The following ARHGEF16 variants were observed in gnomAD, a reference collection of about 807,000 sequenced individuals.
The protein encoded by ARHGEF16 is Rho guanine nucleotide exchange factor 16, also known as Rho guanine exchange factor (GEF) 16.
In ARHGEF16, 59 loss-of-function variants were observed where a neutral mutation model predicts 74.1. The ratio of observed to expected loss-of-function variants is 0.80; its 90% CI spans 0.65 to 0.99. ARHGEF16 has a LOEUF of 0.99. ARHGEF16 is among the 50% of genes least tolerant of loss of function. The probability of loss-of-function intolerance (pLI) is 0.00; values close to 1 mark genes in which losing one functional copy is unlikely to be tolerated. For synonymous variants in ARHGEF16, 415 were observed against 412.6 expected (o/e 1.01, Z -0.07); for missense variants, 948 against 986.6 (o/e 0.96, Z 0.52).
intron 8 of ARHGEF16, chr1:3,473,849 C>A: frequency 4.8e-6 from 2 of 414,610 alleles, no homozygotes; most frequent in Non-Finnish European, 8.9e-6. Context: ...AGCCCCCACC[C>A]CACCAGTCCT....
At chr1:3,461,600 G>T (rs1043008463) in intron 1 of ARHGEF16, among the ~76,000 whole-genome samples, 3 of 152,224 alleles carry the variant, frequency 2.0e-5, no homozygotes, top group African/African-American at 4.8e-5. Flanking sequence ...TGCCCAGGGG[G>T]GTTGCAAGCA....
chr1:3,458,857 G>C (rs1639325580), intron 1 of ARHGEF16, among the ~76,000 whole-genome samples: 1 of 152,186 alleles, frequency 6.6e-6, no homozygotes, highest in Non-Finnish European at 1.5e-5. Flanking sequence ...GCAAGAGCAG[G>C]ATGCCAGGAA....
At chr1:3,465,730 C>CTGGGGCCCCCAGACCCATGCT (rs1553183970) in intron 2 of ARHGEF16, among the ~76,000 whole-genome samples, 1 of 152,198 alleles carries the variant, frequency 6.6e-6, no homozygotes, top group East Asian at 1.9e-4. Flanking sequence ...CGGCCTCCTG[C>CTGGGGCCCCCAGACCCATGCT]TGGGGCCCCC....
Position 3,463,357 on chromosome 1 carries a change from G to A in ARHGEF16, c.273G>A (p.Lys91=), listed in dbSNP as rs753226301. The A allele has an allele frequency of 1.9e-6, 3 of 1,550,182 alleles. No individual in the cohort carries two copies. Among genetic ancestry groups the A allele is most frequent in the Non-Finnish European group, 2.6e-6 (3 of 1,146,892 alleles). The change falls in exon 2 of 15, where the codon AAG becomes AAA. Residue 91 remains lysine (K), a synonymous_variant. Coordinates refer to ENST00000378378, the MANE Select transcript of ARHGEF16 (RefSeq NM_014448.4). ...LKLGTQQLIP[K]SLAVASKAKT... ...TGGGCACCCAACAGCTGATCCCTAAGAGCCTGGCTGTGGCCAGCAAGGCAA... is the reference window on the plus strand; with the variant it reads ...TGGGCACCCAACAGCTGATCCCTAAAAGCCTGGCTGTGGCCAGCAAGGCAA...
At chr1:3,459,308 AAG>A (rs1456742750) in intron 1 of ARHGEF16, among the ~76,000 whole-genome samples, 1 of 152,218 alleles carries the variant, frequency 6.6e-6, no homozygotes, top group Non-Finnish European at 1.5e-5. Context: ...TGATCCGAGA[AAG>A]AGATCGGGAC....
intron 9 of ARHGEF16, among the ~76,000 whole-genome samples, chr1:3,475,055 G>C: frequency 7.7e-6 from 1 of 130,118 alleles, no homozygotes; most frequent in African/African-American, 3.0e-5. Context: ...CTTTCACAGC[G>C]CTGACAGGGA....
intron 8 of ARHGEF16, chr1:3,473,958 G>A (rs1639810564): frequency 3.7e-6 from 1 of 267,832 alleles, no homozygotes; most frequent in Non-Finnish European, 7.2e-6. Flanking sequence ...GTGTGTGTGG[G>A]ATGCCAGCCC....
rs561373456 is a variant in ARHGEF16 at position 3,466,208 on chromosome 1, G to A, written c.634+15G>A. On this transcript the variant is annotated intron_variant, in intron 3 of 14. Transcript: ENST00000378378. ...CTTCAAGGACGGTGAGTGTGGCTTC[G>A]GGAGGCACCGCGGGCTGGGCTCCAG... is the stretch of plus-strand genomic sequence containing the variant. 2.5e-5 allele frequency: 38 copies of A among 1,536,654 alleles called. No homozygotes were observed. The highest frequency in any genetic ancestry group is 1.6e-4 in the South Asian group (13 of 82,004).
rs1639541643 is a variant in ARHGEF16 at position 3,466,289 on chromosome 1, C to T, written c.634+96C>T. 3.7e-6 allele frequency: 5 copies of T among 1,334,600 alleles called. No homozygotes were observed. In the South Asian group the frequency reaches 7.0e-5, roughly 19 times the overall value. 82.7% of individuals were successfully genotyped at this position (1,334,600 alleles called of 1,614,324 possible). A position where few individuals can be genotyped will look rare whatever the true frequency, so the allele number is the denominator to read the frequency against. On this transcript the variant is annotated intron_variant, in intron 3 of 14. Transcript: ENST00000378378. Reference sequence around the variant, plus strand: ...GTTCGGGTGGGCCTCAGTTTGGTGTCTCGGGGTCACCAAAGCTGCTTGACA... The same window carrying T: ...GTTCGGGTGGGCCTCAGTTTGGTGTTTCGGGGTCACCAAAGCTGCTTGACA...
intron 10 of ARHGEF16, among the ~76,000 whole-genome samples, chr1:3,477,278 AC>A (rs1262571672): frequency 5.2e-4 from 1 of 1,916 alleles, no homozygotes; most frequent in East Asian, 0.019. Context: ...CTGTACTGCC[AC>A]CCCCTACTGC....
At chr1:3,455,693 T>TG (rs1218628465) in intron 1 of ARHGEF16, among the ~76,000 whole-genome samples, 1 of 152,064 alleles carries the variant, frequency 6.6e-6, no homozygotes, top group Non-Finnish European at 1.5e-5. Context: ...TGGGCCTGGC[T>TG]GGGGGTCCAG....
intron 1 of ARHGEF16, among the ~76,000 whole-genome samples, chr1:3,455,307 C>G (rs988808409): frequency 6.6e-6 from 1 of 152,008 alleles, no homozygotes; most frequent in Non-Finnish European, 1.5e-5. Flanking sequence ...TTCAGAAAAG[C>G]CCCGAGAAGG....
At chr1:3,455,387 G>A (rs1639245105) in intron 1 of ARHGEF16, among the ~76,000 whole-genome samples, 1 of 152,104 alleles carries the variant, frequency 6.6e-6, no homozygotes, top group African/African-American at 2.4e-5. Context: ...GTGGGCGGTG[G>A]CAGGGAGGGA....
chr1:3,463,439 C>CG lies in ARHGEF16; in HGVS notation c.357dup (p.Arg120AlafsTer4), dbSNP rs1639458254. ...GGCTGTACTTAGCAGGGAGGCCGCC[C>CG]GGCGGGACCCTAAGCTCCTCCCAGC... On this transcript the variant is annotated frameshift_variant, in exon 2 of 15. Coordinates refer to ENST00000378378, the MANE Select transcript of ARHGEF16 (RefSeq NM_014448.4). LOFTEE classifies it high-confidence loss of function. The CG allele has an allele frequency of 6.5e-7, 1 of 1,545,970 alleles. No individual in the cohort carries two copies. Among genetic ancestry groups the CG allele is most frequent in the African/African-American group, 1.4e-5 (1 of 72,906 alleles).
At chr1:3,478,102 C>G (rs544117442) in intron 11 of ARHGEF16, 76 bp downstream of exon 11, 78 of 1,595,918 alleles carry the variant, frequency 4.9e-5, no homozygotes, top group Non-Finnish European at 6.5e-5. Flanking sequence ...CAGGAGGGTA[C>G]AGGGAGTTGG....
rs1214060413 is a variant in ARHGEF16 at position 3,464,807 on chromosome 1, C to T, written c.588+1135C>T. On this transcript the variant is annotated intron_variant, in intron 2 of 14. Transcript: ENST00000378378. Reference sequence around the variant, plus strand: ...TGTCCACGGAAGGTGTGTGCCAGAGCGTCTTCTTCACTGGTTGCCGTCCCA... The same window carrying T: ...TGTCCACGGAAGGTGTGTGCCAGAGTGTCTTCTTCACTGGTTGCCGTCCCA... Among the ~76,000 whole-genome samples, 5 of 152,192 alleles carry T rather than the reference C, an allele frequency of 3.3e-5. No individual in the cohort carries two copies. The South Asian group carries it at 6.2e-4, about 19-fold the overall frequency.
chr1:3,467,999 A>C (rs1639595374), intron 4 of ARHGEF16, among the ~76,000 whole-genome samples: 1 of 151,972 alleles, frequency 6.6e-6, no homozygotes, highest in South Asian at 2.1e-4. Flanking sequence ...CCCACCACAC[A>C]CCATGGTGCT....
chr1:3,476,403 C>G (rs886881521), intron 10 of ARHGEF16, among the ~76,000 whole-genome samples: 1 of 152,180 alleles, frequency 6.6e-6, no homozygotes, highest in African/African-American at 2.4e-5. Context: ...GTGCACTTGC[C>G]TGGGGCCAGC....
intron 6 of ARHGEF16, among the ~76,000 whole-genome samples, chr1:3,470,614 G>GGT (rs745716336): frequency 6.7e-6 from 1 of 150,350 alleles, no homozygotes; most frequent in African/African-American, 2.5e-5. Flanking sequence ...TGTGTGAGTG[G>GGT]GTGTGTGTGC....
Sources: allele counts gnomAD v4.1 joint callset (sites outside exome capture counted in the v4.1 genomes callset), GRCh38; gene constraint gnomAD v4.1.1; transcripts MANE v1.5; gene names NCBI Gene and HGNC (gene_info 2026-07-23, HGNC 2026-07-21).